KCTD9: variants seen among roughly 807,000 people sequenced by gnomAD.
KCTD9 encodes the protein BTB/POZ domain-containing protein KCTD9.
In KCTD9, 17 loss-of-function variants were observed where a neutral mutation model predicts 53.3. The ratio of observed to expected loss-of-function variants is 0.32; its 90% CI spans 0.22 to 0.48. KCTD9 has a LOEUF of 0.48. KCTD9 is among the 20% of genes least tolerant of loss of function. The pLI is 0.99. For missense variants in KCTD9, 179 were observed against 465.5 expected (o/e 0.38, Z 5.66); for synonymous variants, 128 against 162.7 (o/e 0.79, Z 1.62).
chr8:25,429,133 T>C lies in KCTD9; in HGVS notation c.*724A>G, dbSNP rs1450946943. 1 of 152,232 alleles carries C rather than the reference T, an allele frequency of 6.6e-6. No homozygotes were observed. Among genetic ancestry groups the C allele is most frequent in the African/African-American group, 2.4e-5 (1 of 41,470 alleles). 9.4% of individuals were successfully genotyped at this position (152,232 alleles called of 1,614,324 possible). ...TTCTCATTTGTAAGTGTTGTAGTGA[T>C]AGGTAAGTTATTCCTCCATCCAGAG... On this transcript the variant is annotated 3_prime_UTR_variant, in exon 12 of 12. Transcript: ENST00000221200.
At chr8:25,435,312 T>C in intron 9 of KCTD9, 51 bp downstream of exon 9, 1 of 1,380,126 alleles carries the variant, frequency 7.2e-7, no homozygotes, top group Non-Finnish European at 9.8e-7. Flanking sequence ...TTTGAGACTG[T>C]TCAATAGACT....
chr8:25,458,231 G>A lies in KCTD9; in HGVS notation c.16C>T (p.Leu6=), dbSNP rs2117461000. The change falls in exon 1 of 12, where the codon CTG becomes TTG. Residue 6 remains leucine (L), a synonymous_variant. Transcript: ENST00000221200. MRRVT[L]FLNGSPKNGK... ...TTCTTGGGGCTGCCGTTCAGGAACAGGGTCACCCGCCTCATCGCGCTGCCC... is the reference window on the plus strand; with the variant it reads ...TTCTTGGGGCTGCCGTTCAGGAACAAGGTCACCCGCCTCATCGCGCTGCCC... 3 of 1,559,184 alleles carry A rather than the reference G, an allele frequency of 1.9e-6. No homozygotes were observed. Among genetic ancestry groups the A allele is most frequent in the Non-Finnish European group, 2.6e-6 (3 of 1,149,344 alleles).
chr8:25,444,970 C>T (rs1443790355), intron 2 of KCTD9, among the ~76,000 whole-genome samples: 7 of 152,202 alleles, frequency 4.6e-5, no homozygotes, highest in Non-Finnish European at 7.4e-5. Flanking sequence ...CCATTGTAGA[C>T]GTTTTTATTT....
At chr8:25,450,956 T>C (rs146122622) in intron 1 of KCTD9, among the ~76,000 whole-genome samples, 1 of 152,332 alleles carries the variant, frequency 6.6e-6, no homozygotes, top group East Asian at 1.9e-4. Context: ...CAGTTAACAA[T>C]TTCCTTTAAG....
chr8:25,430,004 C>T, intron 11 of KCTD9, 31 bp from the exon 12 acceptor site: 1 of 1,224,702 alleles, frequency 8.2e-7, no homozygotes, highest in Non-Finnish European at 1.2e-6. Flanking sequence ...TCATGTAATT[C>T]ATGTGGAAAT....
rs529403884 is a variant in KCTD9 at position 25,432,753 on chromosome 8, A to G, written c.920-116T>C. The G allele has an allele frequency of 9.0e-6, 8 of 887,106 alleles. No individual in the cohort carries two copies. In the African/African-American group the frequency reaches 1.0e-4, roughly 11 times the overall value. 55.0% of individuals were successfully genotyped at this position (887,106 alleles called of 1,614,324 possible). On this transcript the variant is annotated intron_variant, in intron 10 of 11. Coordinates refer to ENST00000221200, the MANE Select transcript of KCTD9 (RefSeq NM_017634.4). ...TTTAACTTTTGGAAATTAATCTAAA[A>G]TCTTGTCTCTCAACGAACTTATATA...
intron 1 of KCTD9, among the ~76,000 whole-genome samples, chr8:25,455,268 AAAAC>A (rs1166735912): frequency 2.6e-5 from 4 of 151,934 alleles, no homozygotes; most frequent in South Asian, 2.1e-4. Flanking sequence ...ATAAAAGTAA[AAAAC>A]AAACAAAAAC....
intron 4 of KCTD9, 80 bp downstream of exon 4, chr8:25,440,497 G>A: frequency 1.1e-6 from 1 of 938,258 alleles, no homozygotes; most frequent in Non-Finnish European, 1.7e-6. Flanking sequence ...ATCTTTTAAG[G>A]AAATCAGCAA....
At position 25,429,764 on chromosome 8, in the gene KCTD9, G is replaced by A. The variant is rs976022290; in HGVS notation, c.*93C>T. 21 of 716,830 alleles carry A rather than the reference G, an allele frequency of 2.9e-5. No homozygotes were observed. The highest frequency in any genetic ancestry group is 5.3e-5 in the Non-Finnish European group (21 of 395,262). The allele number at this position is 716,830 out of a possible 1,614,324, so 44.4% of individuals were successfully genotyped here. A position where few individuals can be genotyped will look rare whatever the true frequency, so the allele number is the denominator to read the frequency against. On this transcript the variant is annotated 3_prime_UTR_variant, in exon 12 of 12. Transcript: ENST00000221200. ...TTTTTTTTTTAAATTTCCTTACAGT[G>A]TTATTTCTTCTAGACAACTGAGTGG...
chr8:25,439,580 A>G (rs1198823818), intron 5 of KCTD9, 26 bp downstream of exon 5: 2 of 1,612,648 alleles, frequency 1.2e-6, no homozygotes, highest in East Asian at 4.5e-5. Flanking sequence ...GTAAGATGAA[A>G]TGTGAAAACA....
chr8:25,434,408 G>A (rs937561402), intron 9 of KCTD9, among the ~76,000 whole-genome samples: 22 of 151,520 alleles, frequency 1.5e-4, no homozygotes, highest in Non-Finnish European at 2.4e-4. Flanking sequence ...TTTAAATTAT[G>A]TTCATTTATC....
At chr8:25,433,573 C>A (rs1801965953) in intron 9 of KCTD9, 138 bp from the exon 10 acceptor site, 6 of 441,520 alleles carry the variant, frequency 1.4e-5, no homozygotes, top group South Asian at 7.3e-5. Context: ...TTTCTGTTTA[C>A]AATAAAGGCT....
At chr8:25,453,221 G>A (rs1415317665) in intron 1 of KCTD9, among the ~76,000 whole-genome samples, 9 of 152,018 alleles carry the variant, frequency 5.9e-5, no homozygotes, top group Admixed American at 5.9e-4. Flanking sequence ...GCTGGGAGTG[G>A]TGGCACGTGC....
chr8:25,454,691 A>T (rs918274986), intron 1 of KCTD9, among the ~76,000 whole-genome samples: 1 of 152,246 alleles, frequency 6.6e-6, no homozygotes, highest in African/African-American at 2.4e-5. Flanking sequence ...GATTCCAGTG[A>T]TTAGAACTAA....
At chr8:25,430,025 A>G (rs1346481847) in intron 11 of KCTD9, 52 bp from the exon 12 acceptor site, 4 of 978,372 alleles carry the variant, frequency 4.1e-6, no homozygotes. Flanking sequence ...TTCAGGCCTT[A>G]TCTATTTCTG....
At chr8:25,447,986 A>G (rs1802246862) in intron 1 of KCTD9, among the ~76,000 whole-genome samples, 1 of 151,948 alleles carries the variant, frequency 6.6e-6, no homozygotes, top group African/African-American at 2.4e-5. Flanking sequence ...AAAGTAGCCA[A>G]GCATGGAGGC....
intron 1 of KCTD9, among the ~76,000 whole-genome samples, chr8:25,449,793 T>C (rs1186220576): frequency 6.6e-6 from 1 of 151,872 alleles, no homozygotes; most frequent in Non-Finnish European, 1.5e-5. Context: ...TCAGTAGTTC[T>C]ATTAGACAGT....
chr8:25,438,087 T>G lies in KCTD9; in HGVS notation c.499+1192A>C, dbSNP rs551266426. Among the ~76,000 whole-genome samples the G allele has an allele frequency of 2.4e-3, 364 of 152,158 alleles. 5 individuals are homozygous for G. Among genetic ancestry groups the G allele is most frequent in the African/African-American group, 8.6e-3 (355 of 41,498 alleles). ...TTTGAACACTTGAACAAATAAATGGTTGAGAAACATGAAAAAGAAAAAACT... is the reference window on the plus strand; with the variant it reads ...TTTGAACACTTGAACAAATAAATGGGTGAGAAACATGAAAAAGAAAAAACT... On this transcript the variant is annotated intron_variant, in intron 6 of 11. Transcript: ENST00000221200.
intron 1 of KCTD9, among the ~76,000 whole-genome samples, chr8:25,452,080 G>A (rs1377368778): frequency 6.6e-6 from 1 of 152,200 alleles, no homozygotes; most frequent in Non-Finnish European, 1.5e-5. Context: ...TTGAATTTAT[G>A]CAGGCTGATT....
Sources: gnomAD v4.1 joint callset for allele counts (sites outside exome capture counted in the v4.1 genomes callset) on GRCh38, gnomAD v4.1.1 for gene constraint, MANE v1.5 for transcripts, NCBI Gene and HGNC (gene_info 2026-07-23, HGNC 2026-07-21) for gene names.